The following APP variants were observed in gnomAD, a reference collection of about 807,000 sequenced individuals.
APP encodes the protein amyloid beta precursor protein.
APP carries 31 observed loss-of-function variants against 101.4 expected under a neutral mutation model. The ratio of observed to expected loss-of-function variants is 0.31; its 90% CI spans 0.23 to 0.41. The LOEUF is 0.41. APP is among the 10% of genes least tolerant of loss of function. APP has a pLI of 1.00. For synonymous variants in APP, 366 were observed against 364.4 expected, an observed-to-expected ratio of 1.00 and a Z score of -0.05; for missense variants, 839 against 1,003.7, an observed-to-expected ratio of 0.84 and a Z score of 2.22.
intron 1 of APP, among the ~76,000 whole-genome samples, chr21:26,169,845 T>G: frequency 6.6e-6 from 1 of 152,174 alleles, no homozygotes; most frequent in East Asian, 1.9e-4. Context: ...GCGGGGTGGC[T>G]ATGGGTCTCC....
intron 3 of APP, among the ~76,000 whole-genome samples, chr21:26,059,449 G>A (rs570099612): frequency 3.9e-5 from 6 of 152,264 alleles, no homozygotes; most frequent in Middle Eastern, 3.4e-3. Context: ...CTTGTGCTAT[G>A]GGCCCAGATC....
At chr21:26,101,936 C>A (rs996656572) in intron 2 of APP, among the ~76,000 whole-genome samples, 1 of 152,070 alleles carries the variant, frequency 6.6e-6, no homozygotes, top group Non-Finnish European at 1.5e-5. Flanking sequence ...ACACCTGACA[C>A]AAAAACCTAA....
At chr21:25,881,849 T>TC in intron 17 of APP, 78 bp from the exon 18 acceptor site, 1 of 1,394,832 alleles carries the variant, frequency 7.2e-7, no homozygotes, top group Non-Finnish European at 1.0e-6. Flanking sequence ...AGTAAAAAGA[T>TC]AAGGAGTACA....
At chr21:26,009,476 T>C (rs1248908996) in intron 6 of APP, 1 of 152,200 alleles carries the variant, frequency 6.6e-6, no homozygotes, top group Non-Finnish European at 1.5e-5. Flanking sequence ...AGTGGTATCA[T>C]TCCTATAATA....
intron 5 of APP, among the ~76,000 whole-genome samples, chr21:26,049,589 T>G (rs1051756567): frequency 2.6e-5 from 4 of 152,194 alleles, no homozygotes; most frequent in African/African-American, 9.6e-5. Context: ...AGTGGTAAGG[T>G]TACATGACTT....
intron 1 of APP, among the ~76,000 whole-genome samples, chr21:26,123,004 T>C (rs1405227161): frequency 6.6e-6 from 1 of 152,160 alleles, no homozygotes; most frequent in Non-Finnish European, 1.5e-5. Flanking sequence ...ACAAGTGAGA[T>C]TATAAATAAG....
intron 5 of APP, among the ~76,000 whole-genome samples, chr21:26,047,870 C>T (rs539808503): frequency 4.6e-5 from 7 of 151,804 alleles, no homozygotes; most frequent in Non-Finnish European, 8.8e-5. Context: ...AGACTTCTTA[C>T]GAAAGAAAGA....
At chr21:25,887,022 G>A (rs2037370501) in intron 17 of APP, among the ~76,000 whole-genome samples, 1 of 151,560 alleles carries the variant, frequency 6.6e-6, no homozygotes, top group Non-Finnish European at 1.5e-5. Context: ...TCATTAATGA[G>A]ATAACCAGGA....
intron 2 of APP, among the ~76,000 whole-genome samples, chr21:26,098,095 A>AG (rs1335891654): frequency 1.3e-5 from 2 of 149,222 alleles, no homozygotes; most frequent in African/African-American, 2.4e-5. Context: ...AAAAAAAAAA[A>AG]AAAAAAAAAG....
At chr21:26,020,715 T>C (rs1026450072) in intron 6 of APP, among the ~76,000 whole-genome samples, 1 of 152,226 alleles carries the variant, frequency 6.6e-6, no homozygotes, top group Non-Finnish European at 1.5e-5. Context: ...GCCAAGCAGA[T>C]GGCAGATATG....
At chr21:25,933,382 T>C (rs1222939868) in intron 13 of APP, among the ~76,000 whole-genome samples, 1 of 152,226 alleles carries the variant, frequency 6.6e-6, no homozygotes, top group Non-Finnish European at 1.5e-5. Flanking sequence ...GGACTATAGG[T>C]GTAAGCCATC....
At chr21:25,916,060 CT>C (rs1290654165) in intron 13 of APP, among the ~76,000 whole-genome samples, 3 of 152,080 alleles carry the variant, frequency 2.0e-5, no homozygotes, top group African/African-American at 7.2e-5. Flanking sequence ...ATAACCACCC[CT>C]GGCTATGTCA....
chr21:25,949,897 A>C (rs1283616041), intron 13 of APP, among the ~76,000 whole-genome samples: 2 of 152,192 alleles, frequency 1.3e-5, no homozygotes, highest in East Asian at 3.9e-4. Flanking sequence ...TCACTTTACT[A>C]TCTGGGCTGG....
intron 16 of APP, among the ~76,000 whole-genome samples, chr21:25,895,835 T>C (rs1464010093): frequency 1.3e-5 from 2 of 152,222 alleles, no homozygotes; most frequent in Non-Finnish European, 2.9e-5. Flanking sequence ...CAGGAATAAA[T>C]ACAAGTCTGG....
At chr21:25,975,527 T>C (rs112665801) in intron 10 of APP, among the ~76,000 whole-genome samples, 12 of 151,976 alleles carry the variant, frequency 7.9e-5, no homozygotes, top group African/African-American at 9.7e-5. Flanking sequence ...AACTCTTATA[T>C]TACATATTAA....
At chr21:26,025,448 T>C (rs146718223) in intron 5 of APP, among the ~76,000 whole-genome samples, 1 of 152,332 alleles carries the variant, frequency 6.6e-6, no homozygotes, top group African/African-American at 2.4e-5. Flanking sequence ...TCTTGAACCA[T>C]GACTGGAATG....
chr21:26,123,769 C>A (rs545344780), intron 1 of APP, among the ~76,000 whole-genome samples: 41 of 152,250 alleles, frequency 2.7e-4, no homozygotes, highest in African/African-American at 9.4e-4. Flanking sequence ...AATCACACTG[C>A]AGTCTTACTC....
intron 8 of APP, among the ~76,000 whole-genome samples, chr21:25,983,363 GATCAA>G (rs1183528313): frequency 6.6e-6 from 1 of 152,168 alleles, no homozygotes; most frequent in African/African-American, 2.4e-5. Context: ...TATCTTTTGA[GATCAA>G]ATCAATTGTT....
intron 1 of APP, among the ~76,000 whole-genome samples, chr21:26,116,789 C>T (rs1601503890): frequency 6.6e-6 from 1 of 152,194 alleles, no homozygotes; most frequent in African/African-American, 2.4e-5. Context: ...ATTTGAACCA[C>T]CCGCTGACTA....
Sources: gnomAD v4.1 joint callset for allele counts (sites outside exome capture counted in the v4.1 genomes callset) on GRCh38, gnomAD v4.1.1 for gene constraint, MANE v1.5 for transcripts, NCBI Gene and HGNC (gene_info 2026-07-23, HGNC 2026-07-21) for gene names.